Variants in GALNT13 observed in about 807,000 individuals in gnomAD.
GALNT13 encodes polypeptide N-acetylgalactosaminyltransferase 13.
Under a neutral mutation model 64.2 loss-of-function variants are expected in GALNT13, and 28 were observed. The observed-to-expected ratio is 0.44, with a 90% CI of 0.32 to 0.60. GALNT13 has a LOEUF of 0.60. Among genes scored for constraint, GALNT13 ranks in the 20% least tolerant of loss-of-function variants. GALNT13 has a pLI of 0.05. For missense variants in GALNT13, 577 were observed against 669.8 expected, an observed-to-expected ratio of 0.86 and a Z score of 1.53; for synonymous variants, 214 against 224.6, an observed-to-expected ratio of 0.95 and a Z score of 0.42.
chr2:153,795,569 T>C, the GALNT13 span, among the ~76,000 whole-genome samples: 1 of 152,114 alleles, frequency 6.6e-6, no homozygotes, highest in African/African-American at 2.4e-5. Flanking sequence ...GGGAAAAATG[T>C]ATCCTGTTTA....
At chr2:153,239,573 A>C in the GALNT13 span, among the ~76,000 whole-genome samples, 1 of 152,192 alleles carries the variant, frequency 6.6e-6, no homozygotes, top group Non-Finnish European at 1.5e-5. Flanking sequence ...CTTTTTCAGC[A>C]TCAGTTGAAA....
chr2:154,235,270 T>A (rs1689133308), intron 4 of GALNT13, among the ~76,000 whole-genome samples: 2 of 152,210 alleles, frequency 1.3e-5, no homozygotes, highest in South Asian at 4.1e-4. Context: ...AATACCAATC[T>A]GATTTTTTAA....
the GALNT13 span, among the ~76,000 whole-genome samples, chr2:153,256,709 C>T: frequency 5.9e-5 from 9 of 152,060 alleles, no homozygotes; most frequent in Non-Finnish European, 1.0e-4. Context: ...GAGTACCAGG[C>T]CGTGTGAGGT....
At chr2:153,190,195 G>A in the GALNT13 span, among the ~76,000 whole-genome samples, 97 of 151,964 alleles carry the variant, frequency 6.4e-4, no homozygotes, top group African/African-American at 2.2e-3. Context: ...AGTGTTTCCC[G>A]TGTGTTTTCT....
chr2:153,451,263 T>C, the GALNT13 span, among the ~76,000 whole-genome samples: 2 of 152,182 alleles, frequency 1.3e-5, no homozygotes, highest in South Asian at 4.1e-4. Flanking sequence ...AAGATTCTTT[T>C]CTCACCCAAT....
At chr2:153,716,443 C>T in the GALNT13 span, among the ~76,000 whole-genome samples, 2 of 151,940 alleles carry the variant, frequency 1.3e-5, no homozygotes, top group East Asian at 3.9e-4. Flanking sequence ...CAGTGTGGCC[C>T]AGGGAAACCA....
intron 9 of GALNT13, among the ~76,000 whole-genome samples, chr2:154,304,195 C>T (rs927871963): frequency 1.3e-5 from 2 of 152,116 alleles, no homozygotes; most frequent in African/African-American, 2.4e-5. Context: ...CTTTTTCACA[C>T]GTTTTCAAGC....
rs1382542391 is a variant in GALNT13, at chr2:154,189,683, A to G, written c.311+49178A>G. 2.0e-5 allele frequency among the ~76,000 whole-genome samples: 3 copies of G among 152,172 alleles called. No homozygotes were observed. The East Asian group carries it at 5.8e-4, about 29-fold the overall frequency. ...GCAAATTAGAGGTTTACATAGAAAA[A>G]AAAAAAGAATGATTTGAAATGGTAA... On this transcript the variant is annotated intron_variant, in intron 4 of 12. Transcript: ENST00000392825.
At chr2:153,203,305 A>G in the GALNT13 span, among the ~76,000 whole-genome samples, 1 of 152,242 alleles carries the variant, frequency 6.6e-6, no homozygotes, top group Non-Finnish European at 1.5e-5. Flanking sequence ...GAAAATTTAG[A>G]GTGCATTTTT....
At chr2:153,920,660 C>A (rs1689692735) in intron 2 of GALNT13, among the ~76,000 whole-genome samples, 3 of 152,072 alleles carry the variant, frequency 2.0e-5, no homozygotes, top group African/African-American at 7.2e-5. Flanking sequence ...AGAACTTCTG[C>A]AAACCAAAGG....
At chr2:154,058,764 C>A (rs1358824835) in intron 3 of GALNT13, among the ~76,000 whole-genome samples, 5 of 152,094 alleles carry the variant, frequency 3.3e-5, no homozygotes, top group African/African-American at 1.2e-4. Context: ...GTTTGGAGAT[C>A]TAATAGGAGT....
chr2:153,625,468 T>C, the GALNT13 span, among the ~76,000 whole-genome samples: 1 of 152,226 alleles, frequency 6.6e-6, no homozygotes, highest in Non-Finnish European at 1.5e-5. Context: ...GCTCCTATTA[T>C]TGACAGAGAG....
chr2:154,121,225 G>A (rs1412634135), intron 3 of GALNT13, among the ~76,000 whole-genome samples: 2 of 152,186 alleles, frequency 1.3e-5, no homozygotes, highest in African/African-American at 4.8e-5. Flanking sequence ...TTTTCAGAAG[G>A]TTATTGTGGT....
the GALNT13 span, among the ~76,000 whole-genome samples, chr2:153,295,439 C>A: frequency 6.6e-6 from 1 of 151,602 alleles, no homozygotes; most frequent in Non-Finnish European, 1.5e-5. Flanking sequence ...AATACTTTGT[C>A]CAAAGCTGAA....
the GALNT13 span, among the ~76,000 whole-genome samples, chr2:153,073,665 A>C: frequency 1.1e-4 from 17 of 152,186 alleles, no homozygotes; most frequent in Non-Finnish European, 7.4e-5. Flanking sequence ...TTTTTAAAAC[A>C]AAGTGACCAT....
chr2:153,514,781 T>C, the GALNT13 span, among the ~76,000 whole-genome samples: 1 of 152,184 alleles, frequency 6.6e-6, no homozygotes, highest in Non-Finnish European at 1.5e-5. Context: ...GCTTCCTCCA[T>C]GCTTTTGGAT....
chr2:153,401,006 A>T, the GALNT13 span, among the ~76,000 whole-genome samples: 3 of 150,668 alleles, frequency 2.0e-5, no homozygotes, highest in Non-Finnish European at 4.4e-5. Flanking sequence ...TAGTTCTTTT[A>T]ATTGTGATGT....
the GALNT13 span, among the ~76,000 whole-genome samples, chr2:153,824,137 G>C: frequency 1.2e-4 from 18 of 152,078 alleles, no homozygotes; most frequent in Non-Finnish European, 1.9e-4. Context: ...TGAGCCTGCA[G>C]AGGAAAGGGA....
the GALNT13 span, among the ~76,000 whole-genome samples, chr2:153,626,742 C>T: frequency 6.6e-6 from 1 of 152,020 alleles, no homozygotes; most frequent in Non-Finnish European, 1.5e-5. Context: ...TTTGTACAGC[C>T]CTCAAGCCAG....
Sources: gnomAD v4.1 joint callset for allele counts (sites outside exome capture counted in the v4.1 genomes callset) on GRCh38, gnomAD v4.1.1 for gene constraint, MANE v1.5 for transcripts, NCBI Gene and HGNC (gene_info 2026-07-23, HGNC 2026-07-21) for gene names.